Variants in PVT1 observed in about 807,000 individuals in gnomAD.
PVT1 encodes the protein CXCR4/PVT1 fusion.
intron 4 of PVT1, among the ~76,000 whole-genome samples, chr8:127,998,738 CCTTTTCTTCCTTT>C (rs1455266949): frequency 2.1e-5 from 3 of 143,904 alleles, no homozygotes; most frequent in Admixed American, 7.1e-5. Context: ...TTCCTTCCTT[CCTTTTCTTCCTTT>C]CTTTTCCTAC....
At chr8:128,028,037 T>G (rs1467992493) in intron 4 of PVT1, among the ~76,000 whole-genome samples, 3 of 152,190 alleles carry the variant, frequency 2.0e-5, no homozygotes. Flanking sequence ...TGTCTCCCGC[T>G]TCCTGCCCTC....
intron 6 of PVT1, among the ~76,000 whole-genome samples, chr8:128,097,234 A>C (rs1453093237): frequency 6.6e-6 from 1 of 152,132 alleles, no homozygotes; most frequent in Non-Finnish European, 1.5e-5. Flanking sequence ...GGTAGCGCAC[A>C]TCTGTAATCC....
chr8:127,801,889 ATTAT>A (rs56208015), intron 2 of PVT1, among the ~76,000 whole-genome samples: 53,708 of 147,082 alleles, frequency 0.37, 10,634 homozygotes, highest in Admixed American at 0.48. Context: ...AAGATATCTC[ATTAT>A]TTATTTATTT....
At chr8:127,953,678 T>C (rs1038937309) in intron 3 of PVT1, among the ~76,000 whole-genome samples, 2 of 152,198 alleles carry the variant, frequency 1.3e-5, no homozygotes, top group Non-Finnish European at 2.9e-5. Flanking sequence ...ACTTGCAGAA[T>C]TGGGCTGAAA....
At chr8:127,921,243 G>C (rs1009207425) in intron 3 of PVT1, among the ~76,000 whole-genome samples, 3 of 152,102 alleles carry the variant, frequency 2.0e-5, no homozygotes, top group Non-Finnish European at 2.9e-5. Context: ...ATAGCAATTG[G>C]GGAGCACTAG....
Position 128,053,374 on chromosome 8 carries a change from T to TATAC in PVT1, n.913-16785_913-16784insTACA, listed in dbSNP as rs1554607638. Among the ~76,000 whole-genome samples the TATAC allele has an allele frequency of 1.4e-3, 203 of 150,140 alleles. 1 individual carries two copies. The highest frequency in any genetic ancestry group is 4.6e-3 in the African/African-American group (190 of 40,936). On this transcript the variant is annotated intron_variant and non_coding_transcript_variant, in intron 4 of 10. Transcript: ENST00000651587. ...GGAGGGCTATATATACATATATATA[T>TATAC]ACACACACACACACATATATATGTA...
chr8:127,847,195 G>A (rs1815045430), intron 2 of PVT1, among the ~76,000 whole-genome samples: 2 of 151,454 alleles, frequency 1.3e-5, no homozygotes, highest in Admixed American at 6.6e-5. Context: ...TAGAGACAGG[G>A]TTTCACCATG....
At chr8:127,802,750 C>T (rs958338616) in intron 2 of PVT1, among the ~76,000 whole-genome samples, 3 of 152,102 alleles carry the variant, frequency 2.0e-5, no homozygotes, top group African/African-American at 7.2e-5. Flanking sequence ...GGTGTTCTGC[C>T]GTGAATGAGA....
intron 4 of PVT1, among the ~76,000 whole-genome samples, chr8:127,993,708 G>GAAGA (rs1341081893): frequency 4.6e-5 from 7 of 152,186 alleles, no homozygotes; most frequent in African/African-American, 1.4e-4. Context: ...GCAAAGTGAG[G>GAAGA]AAGAAAGTAT....
At chr8:128,060,905 C>CTTTTTTTTT (rs35320355) in intron 4 of PVT1, among the ~76,000 whole-genome samples, 2 of 123,630 alleles carry the variant, frequency 1.6e-5, no homozygotes, top group African/African-American at 3.1e-5. Context: ...TAGGCAACTA[C>CTTTTTTTTT]TTTTTTTTTT....
intron 2 of PVT1, among the ~76,000 whole-genome samples, chr8:127,833,628 A>G (rs1814877929): frequency 6.6e-6 from 1 of 151,950 alleles, no homozygotes; most frequent in African/African-American, 2.4e-5. Flanking sequence ...TAATTTTTGT[A>G]TCTTTAGTAG....
chr8:127,837,898 ATT>A (rs778300631), intron 2 of PVT1, among the ~76,000 whole-genome samples: 82 of 139,120 alleles, frequency 5.9e-4, no homozygotes, highest in African/African-American at 1.8e-3. Flanking sequence ...ATTATTTATG[ATT>A]TTTTTTTTTT....
At chr8:127,904,262 G>A (rs1456626008) in intron 3 of PVT1, among the ~76,000 whole-genome samples, 1 of 151,380 alleles carries the variant, frequency 6.6e-6, no homozygotes, top group Non-Finnish European at 1.5e-5. Flanking sequence ...GTGAGAGTGG[G>A]GGTCTTACTG....
chr8:127,910,244 C>T (rs964625333), intron 3 of PVT1, among the ~76,000 whole-genome samples: 4 of 151,980 alleles, frequency 2.6e-5, no homozygotes, highest in African/African-American at 7.2e-5. Context: ...GAGATGGAAG[C>T]GGGGGCAGTT....
intron 3 of PVT1, among the ~76,000 whole-genome samples, chr8:127,980,386 G>A (rs1376792573): frequency 1.3e-5 from 2 of 152,140 alleles, no homozygotes; most frequent in African/African-American, 2.4e-5. Flanking sequence ...TGGGCTGAGC[G>A]GTGGCTCAAC....
intron 4 of PVT1, among the ~76,000 whole-genome samples, chr8:128,066,474 TA>T (rs1303041608): frequency 6.6e-6 from 1 of 152,242 alleles, no homozygotes; most frequent in Non-Finnish European, 1.5e-5. Flanking sequence ...TTTAAGCCAC[TA>T]AAATTTGGAA....
intron 4 of PVT1, among the ~76,000 whole-genome samples, chr8:128,015,115 G>C (rs901164306): frequency 6.0e-5 from 9 of 150,874 alleles, no homozygotes; most frequent in African/African-American, 2.2e-4. Context: ...TTTGAGACAG[G>C]GTTTCACTCT....
chr8:128,025,951 C>CTT (rs59269842), intron 4 of PVT1, among the ~76,000 whole-genome samples: 2 of 143,420 alleles, frequency 1.4e-5, no homozygotes. Flanking sequence ...ATCCAGCCTC[C>CTT]TTTTTTTTTT....
intron 3 of PVT1, among the ~76,000 whole-genome samples, chr8:127,932,954 T>G (rs534564392): frequency 6.6e-6 from 1 of 152,342 alleles, no homozygotes; most frequent in African/African-American, 2.4e-5. Context: ...GCAATTTGGA[T>G]CTTAGCAGTT....
Sources: gnomAD v4.1 joint callset for allele counts (sites outside exome capture counted in the v4.1 genomes callset) on GRCh38, gnomAD v4.1.1 for gene constraint, MANE v1.5 for transcripts, NCBI Gene and HGNC (gene_info 2026-07-23, HGNC 2026-07-21) for gene names.